Variants in PPFIA2 observed in about 807,000 individuals in gnomAD.
The protein encoded by PPFIA2 is liprin-alpha-2.
Under a neutral mutation model 175.5 loss-of-function variants are expected in PPFIA2, and 46 were observed. That is an observed-to-expected ratio of 0.26 (90% confidence interval 0.21 to 0.34). The LOEUF (loss-of-function observed/expected upper bound fraction) is 0.34, where lower values mean the gene tolerates loss of function less well. Ranked by LOEUF, PPFIA2 falls within the 10% of genes least tolerant of loss-of-function variation. The pLI is 1.00. For missense variants in PPFIA2, 1,179 were observed against 1,506.1 expected (o/e 0.78, Z 3.60); for synonymous variants, 568 against 511.4 (o/e 1.11, Z -1.49).
At chr12:81,303,386 T>C (rs908368694) in intron 22 of PPFIA2, among the ~76,000 whole-genome samples, 2 of 152,152 alleles carry the variant, frequency 1.3e-5, no homozygotes, top group Non-Finnish European at 2.9e-5. Flanking sequence ...TCAGAATAGA[T>C]TTTAGAGGGC....
At chr12:81,472,234 C>T (rs970333321) in intron 4 of PPFIA2, among the ~76,000 whole-genome samples, 1 of 152,114 alleles carries the variant, frequency 6.6e-6, no homozygotes, top group Admixed American at 6.5e-5. Context: ...AGCTAAGGAG[C>T]TCTGGATTTC....
chr12:81,451,196 A>G (rs2052507600), intron 5 of PPFIA2, among the ~76,000 whole-genome samples: 1 of 151,986 alleles, frequency 6.6e-6, no homozygotes, highest in South Asian at 2.1e-4. Context: ...ACATTAATAC[A>G]TTATTCTCTT....
At chr12:81,565,281 A>C (rs1203175244) in intron 4 of PPFIA2, among the ~76,000 whole-genome samples, 4 of 150,944 alleles carry the variant, frequency 2.6e-5, no homozygotes, top group Non-Finnish European at 4.4e-5. Context: ...CACCCCCAAC[A>C]CTCCTGTTTG....
intron 7 of PPFIA2, among the ~76,000 whole-genome samples, chr12:81,412,402 C>G (rs1387069347): frequency 6.7e-6 from 1 of 149,120 alleles, no homozygotes. Flanking sequence ...TTATTTAGCT[C>G]TTATAATGTG....
At chr12:81,758,306 G>A (rs1380672759) in intron 2 of PPFIA2, 94 bp downstream of exon 2, 2 of 443,652 alleles carry the variant, frequency 4.5e-6, no homozygotes, top group Non-Finnish European at 4.6e-6. Context: ...GGAGGAATTT[G>A]CATCTCATCT....
At chr12:81,457,744 A>T in intron 5 of PPFIA2, 21 bp downstream of exon 5, 2 of 1,488,172 alleles carry the variant, frequency 1.3e-6, no homozygotes, top group African/African-American at 1.4e-5. Flanking sequence ...ATTAATTCCA[A>T]AAAGGCTGCT....
Position 81,368,687 on chromosome 12 carries a change from C to A in PPFIA2, c.1482+38G>T, listed in dbSNP as rs765615517. On this transcript the variant is annotated intron_variant, in intron 13 of 32. Transcript: ENST00000549396. ...GTATATAAAACAAACATGAGCATTGCAAAATATTCATGTGATTTTACCCTT... is the reference window on the plus strand; with the variant it reads ...GTATATAAAACAAACATGAGCATTGAAAAATATTCATGTGATTTTACCCTT... 7 of 1,577,208 alleles carry A rather than the reference C, an allele frequency of 4.4e-6. No homozygotes were observed. The African/African-American group carries it at 5.5e-5, about 12-fold the overall frequency.
intron 4 of PPFIA2, among the ~76,000 whole-genome samples, chr12:81,529,450 C>A (rs976421326): frequency 6.6e-6 from 1 of 151,664 alleles, no homozygotes; most frequent in Admixed American, 6.6e-5. Context: ...CAATAGTCCA[C>A]CAGGAAGAAA....
chr12:81,581,774 GTTTT>G (rs111864737), intron 4 of PPFIA2, among the ~76,000 whole-genome samples: 4 of 151,492 alleles, frequency 2.6e-5, no homozygotes, highest in African/African-American at 9.7e-5. Context: ...GATATTTTTG[GTTTT>G]CTTTCAGTGT....
At chr12:81,671,502 T>C (rs964091231) in intron 4 of PPFIA2, among the ~76,000 whole-genome samples, 4 of 151,940 alleles carry the variant, frequency 2.6e-5, no homozygotes, top group African/African-American at 9.7e-5. Context: ...AGACTGCAAG[T>C]CTTTTCATAG....
intron 24 of PPFIA2, among the ~76,000 whole-genome samples, chr12:81,288,330 T>C (rs898450019): frequency 6.6e-6 from 1 of 151,812 alleles, no homozygotes; most frequent in African/African-American, 2.4e-5. Flanking sequence ...AGGGTTGATA[T>C]CTGACAATGA....
intron 22 of PPFIA2, among the ~76,000 whole-genome samples, chr12:81,305,293 T>G (rs1464218315): frequency 2.6e-5 from 4 of 152,202 alleles, no homozygotes; most frequent in Non-Finnish European, 4.4e-5. Flanking sequence ...TCCAATTTTT[T>G]CTTATTTTCC....
chr12:81,597,850 C>T (rs1346904372), intron 4 of PPFIA2: 9 of 1,215,920 alleles, frequency 7.4e-6, no homozygotes. Flanking sequence ...TTCTTCAATA[C>T]TTCCAACCTT....
intron 4 of PPFIA2, among the ~76,000 whole-genome samples, chr12:81,559,984 T>C (rs980106154): frequency 1.3e-5 from 2 of 152,186 alleles, no homozygotes; most frequent in Non-Finnish European, 2.9e-5. Context: ...ATCCAAGATA[T>C]AACACGTTAT....
intron 28 of PPFIA2, among the ~76,000 whole-genome samples, chr12:81,273,892 C>G (rs565019927): frequency 8.4e-4 from 128 of 151,844 alleles, no homozygotes; most frequent in African/African-American, 2.9e-3. Flanking sequence ...CGCCCCCCCC[C>G]AAACCGGTCT....
chr12:81,721,106 T>A (rs2079269583), intron 3 of PPFIA2, among the ~76,000 whole-genome samples: 1 of 150,674 alleles, frequency 6.6e-6, no homozygotes. Flanking sequence ...GCCGTTTTTA[T>A]TGCCTAGCTG....
intron 3 of PPFIA2, among the ~76,000 whole-genome samples, chr12:81,715,235 A>G (rs936460784): frequency 6.6e-6 from 1 of 151,750 alleles, no homozygotes; most frequent in African/African-American, 2.4e-5. Context: ...CTCTTTGTAC[A>G]TTTGGTAAGA....
At chr12:81,295,093 C>T in intron 23 of PPFIA2, 58 bp from the exon 24 acceptor site, 1 of 1,459,388 alleles carries the variant, frequency 6.9e-7, no homozygotes, top group Non-Finnish European at 9.4e-7. Context: ...ATTTTAGTGT[C>T]TCATATGCTA....
At chr12:81,525,443 G>C (rs2063625219) in intron 4 of PPFIA2, among the ~76,000 whole-genome samples, 1 of 152,132 alleles carries the variant, frequency 6.6e-6, no homozygotes, top group African/African-American at 2.4e-5. Context: ...TGCAGGTAAG[G>C]GAAATATTCC....
Sources: gnomAD v4.1 joint callset for allele counts (sites outside exome capture counted in the v4.1 genomes callset) on GRCh38, gnomAD v4.1.1 for gene constraint, MANE v1.5 for transcripts, NCBI Gene and HGNC (gene_info 2026-07-23, HGNC 2026-07-21) for gene names.